The following POLA1 variants were observed in gnomAD, a reference collection of about 807,000 sequenced individuals.
POLA1 encodes DNA polymerase alpha 1, catalytic subunit.
POLA1 carries 15 observed loss-of-function variants against 124.0 expected under a neutral mutation model. The observed-to-expected ratio is 0.12, with a 90% confidence interval of 0.08 to 0.19. The LOEUF (loss-of-function observed/expected upper bound fraction) is 0.19, where lower values mean the gene tolerates loss of function less well. Ranked by LOEUF, POLA1 falls within the 10% of genes least tolerant of loss-of-function variation. The probability of loss-of-function intolerance (pLI) is 1.00; values close to 1 mark genes in which losing one functional copy is unlikely to be tolerated. For missense variants in POLA1, 886 were observed against 1,103.4 expected, an observed-to-expected ratio of 0.80 and a Z score of 2.79; for synonymous variants, 408 against 389.4, an observed-to-expected ratio of 1.05 and a Z score of -0.56.
At chrX:24,741,152 C>T (rs201799598) in intron 20 of POLA1, among the ~76,000 whole-genome samples, 200 of 66,181 alleles carry the variant, frequency 3.0e-3, no homozygotes, top group Middle Eastern at 0.017. Flanking sequence ...TGTGTGCGCG[C>T]GTGTGTGTGT....
At chrX:24,990,124 A>C (rs1028602544) in intron 36 of POLA1, among the ~76,000 whole-genome samples, 1 of 112,330 alleles carries the variant, frequency 8.9e-6, no homozygotes, top group Non-Finnish European at 1.9e-5. Flanking sequence ...ACCTGATTGC[A>C]GGTAACAGAG....
chrX:24,941,868 C>G (rs2047911709), intron 36 of POLA1, among the ~76,000 whole-genome samples: 1 of 112,254 alleles, frequency 8.9e-6, no homozygotes, highest in Non-Finnish European at 1.9e-5. Flanking sequence ...AAGGCTTAAA[C>G]TAGTTCGTAG....
At chrX:24,735,896 A>C (rs1368084720) in intron 18 of POLA1, among the ~76,000 whole-genome samples, 2 of 111,691 alleles carry the variant, frequency 1.8e-5, no homozygotes, top group East Asian at 5.6e-4. Context: ...GTGGATCTCT[A>C]TGACATATTC....
chrX:24,778,385 C>T (rs887276500), intron 26 of POLA1, among the ~76,000 whole-genome samples: 5 of 111,202 alleles, frequency 4.5e-5, no homozygotes, highest in Admixed American at 1.9e-4. Context: ...CGCCCGCCAC[C>T]ACACCTGGCT....
intron 36 of POLA1, among the ~76,000 whole-genome samples, chrX:24,957,190 A>G (rs1036145106): frequency 1.8e-5 from 2 of 112,073 alleles, no homozygotes; most frequent in Admixed American, 9.4e-5. Context: ...TGAATTATAC[A>G]TGCTGTTTTC....
At chrX:24,991,098 A>AGT (rs1263661258) in intron 36 of POLA1, among the ~76,000 whole-genome samples, 2 of 111,017 alleles carry the variant, frequency 1.8e-5, no homozygotes, top group Non-Finnish European at 3.8e-5. Flanking sequence ...ATTTAACCCG[A>AGT]GTCCCCTCTT....
intron 34 of POLA1, among the ~76,000 whole-genome samples, chrX:24,879,339 C>G (rs1456647560): frequency 8.9e-6 from 1 of 111,772 alleles, no homozygotes; most frequent in African/African-American, 3.3e-5. Flanking sequence ...GTTAGAAAGT[C>G]AGACATTCAT....
At chrX:24,980,341 C>T (rs188213304) in intron 36 of POLA1, among the ~76,000 whole-genome samples, 9 of 112,191 alleles carry the variant, frequency 8.0e-5, no homozygotes, top group African/African-American at 2.9e-4. Flanking sequence ...ACTCTGACCA[C>T]ACTGTAGAAA....
chrX:24,824,451 C>A (rs1316818345), intron 31 of POLA1, among the ~76,000 whole-genome samples: 1 of 102,613 alleles, frequency 9.7e-6, no homozygotes, highest in Non-Finnish European at 2.0e-5. Flanking sequence ...TGCCTCCATG[C>A]CTGGCTAACT....
chrX:24,974,925 A>G (rs1190472333), intron 36 of POLA1, among the ~76,000 whole-genome samples: 1 of 112,568 alleles, frequency 8.9e-6, no homozygotes, highest in Non-Finnish European at 1.9e-5. Flanking sequence ...CCTCGATAGT[A>G]TTTTGTCAAG....
At chrX:24,927,201 T>C (rs917589612) in intron 35 of POLA1, among the ~76,000 whole-genome samples, 1 of 110,370 alleles carries the variant, frequency 9.1e-6, no homozygotes, top group African/African-American at 3.3e-5. Context: ...ACCACTGATA[T>C]AGGACCTCAT....
At chrX:24,794,903 A>G (rs913199146) in intron 26 of POLA1, among the ~76,000 whole-genome samples, 2 of 110,684 alleles carry the variant, frequency 1.8e-5, no homozygotes, top group African/African-American at 3.3e-5. Context: ...AAAATGAAAT[A>G]TCGTCAAAAG....
intron 36 of POLA1, among the ~76,000 whole-genome samples, chrX:24,937,698 C>T (rs186030275): frequency 2.3e-3 from 252 of 111,942 alleles, no homozygotes; most frequent in African/African-American, 7.9e-3. Context: ...CAATATCAGA[C>T]CCACCCCTGA....
In POLA1 at chrX:24,743,154, A is replaced by C. The variant is rs1931777022; in HGVS notation, c.2467-76A>C. 3 of 552,327 alleles carry C rather than the reference A, an allele frequency of 5.4e-6. No individual in the cohort carries two copies. The African/African-American group carries it at 7.0e-5, about 13-fold the overall frequency. The allele number at this position is 552,327 out of a possible 1,213,427, so 45.5% of individuals were successfully genotyped here. On this transcript the variant is annotated intron_variant, in intron 22 of 36. Transcript: ENST00000379068. The stretch of plus-strand genomic sequence containing the variant: ...GTTAGAACTAAGTCCTGCAATTGGA[A>C]AAGAGAGAATCATCAAAATTTTAAA...
At chrX:24,787,023 A>C (rs976160488) in intron 26 of POLA1, among the ~76,000 whole-genome samples, 2 of 110,409 alleles carry the variant, frequency 1.8e-5, no homozygotes, top group African/African-American at 6.6e-5. Context: ...TGATCCTCCC[A>C]CATTAGCCTC....
At chrX:24,782,658 T>C (rs1349379001) in intron 26 of POLA1, among the ~76,000 whole-genome samples, 1 of 110,767 alleles carries the variant, frequency 9.0e-6, no homozygotes, top group Non-Finnish European at 1.9e-5. Flanking sequence ...GTGGGGGAAG[T>C]GTTTGAGTCC....
chrX:24,755,788 T>G (rs1341152953), intron 26 of POLA1, among the ~76,000 whole-genome samples: 1 of 112,310 alleles, frequency 8.9e-6, no homozygotes. Flanking sequence ...TTCTAAAAGT[T>G]GCAAGGTTTG....
intron 34 of POLA1, among the ~76,000 whole-genome samples, chrX:24,849,222 T>C (rs1182321140): frequency 3.5e-5 from 4 of 112,900 alleles, no homozygotes; most frequent in Middle Eastern, 4.6e-3. Context: ...AAGCAATAGA[T>C]ATCCATCCCA....
chrX:24,894,011 G>C lies in POLA1; in HGVS notation c.4164+5889G>C, dbSNP rs2047174841. 2.7e-5 allele frequency among the ~76,000 whole-genome samples: 3 copies of C among 111,341 alleles called. No individual in the cohort carries two copies. The South Asian group carries it at 1.1e-3, about 42-fold the overall frequency. On this transcript the variant is annotated intron_variant, in intron 35 of 36. Transcript: ENST00000379068. Reference sequence around the variant, plus strand: ...CCTATTCAATGCCCATGTTATGAGAGCCTCTTAGACATATAAAAGTAGCTG... The same window carrying C: ...CCTATTCAATGCCCATGTTATGAGACCCTCTTAGACATATAAAAGTAGCTG...
Sources: gnomAD v4.1 joint callset for allele counts (sites outside exome capture counted in the v4.1 genomes callset) on GRCh38, gnomAD v4.1.1 for gene constraint, MANE v1.5 for transcripts, NCBI Gene and HGNC (gene_info 2026-07-23, HGNC 2026-07-21) for gene names.